C3: variants seen among roughly 807,000 people sequenced by gnomAD.
The protein encoded by C3 is C3 and PZP-like alpha-2-macroglobulin domain-containing protein 1.
In C3, 97 loss-of-function variants were observed where a neutral mutation model predicts 207.9. The observed-to-expected ratio is 0.47, with a 90% CI of 0.40 to 0.55. C3 has a LOEUF of 0.55. Among genes scored for constraint, C3 ranks in the 20% least tolerant of loss-of-function variants. C3 has a pLI of 0.00. For synonymous variants in C3, 848 were observed against 857.6 expected, an observed-to-expected ratio of 0.99 and a Z score of 0.20; for missense variants, 1,684 against 2,171.7, an observed-to-expected ratio of 0.78 and a Z score of 4.46.
intron 33 of C3, among the ~76,000 whole-genome samples, chr19:6,684,042 T>G (rs1248445055): frequency 6.6e-6 from 1 of 152,218 alleles, no homozygotes; most frequent in Non-Finnish European, 1.5e-5. Flanking sequence ...GAGGTTACAG[T>G]GAGCTATGAT....
chr19:6,702,080 A>T, intron 19 of C3, 47 bp downstream of exon 19: 1 of 986,672 alleles, frequency 1.0e-6, no homozygotes, highest in Non-Finnish European at 1.6e-6. Flanking sequence ...ACACTCAGAC[A>T]CCCTGGGGTC....
chr19:6,684,788 T>C lies in C3; in HGVS notation c.4016A>G (p.Gln1339Arg). Residue 1339 changes from glutamine to arginine, a missense_variant, in exon 31 of 41, where the codon CAA becomes CGA. By Grantham distance (43) the Gln-to-Arg change is conservative (BLOSUM62 1). Coordinates refer to ENST00000245907, the MANE Select transcript of C3 (RefSeq NM_000064.4). ...TCTGTTCCTTACCGACAAGGTGCCT[T>C]GGCCTTTTCCTTCAGCTGTGACTGT... ...GFTVTAEGKG[Q>R]GTLSVVTMYH... The C allele has an allele frequency of 6.2e-7, 1 of 1,614,208 alleles. No individual in the cohort carries two copies. The highest frequency in any genetic ancestry group is 1.7e-5 in the Admixed American group (1 of 60,024).
At chr19:6,680,297 G>T (rs574671882) in intron 35 of C3, 34 bp from the exon 36 acceptor site, 4 of 1,117,772 alleles carry the variant, frequency 3.6e-6, no homozygotes, top group Non-Finnish European at 5.5e-6. Context: ...TCAGTGGGGT[G>T]ATGTGGGAGG....
chr19:6,706,696 TCCTCCTACCCCCTCAGACAGGGG>T (rs1415258608), intron 17 of C3, among the ~76,000 whole-genome samples: 203 of 50,232 alleles, frequency 4.0e-3, no homozygotes, highest in African/African-American at 0.015. Flanking sequence ...GACAGAGGCC[TCCTCCTACCCCCTCAGACAGGGG>T]CATCCTCCCC....
intron 23 of C3, 103 bp downstream of exon 23, chr19:6,696,276 G>A: frequency 2.7e-6 from 2 of 729,806 alleles, no homozygotes; most frequent in Non-Finnish European, 2.5e-6. Context: ...TCTAGCTGAA[G>A]GGGAAGAGAA....
At chr19:6,698,794 T>A (rs1002409988) in intron 19 of C3, among the ~76,000 whole-genome samples, 2 of 152,062 alleles carry the variant, frequency 1.3e-5, no homozygotes, top group African/African-American at 2.4e-5. Flanking sequence ...TTTTATTATT[T>A]TTTATTTATT....
chr19:6,707,918 C>T lies in C3; in HGVS notation c.1857G>A (p.Val619=). 1.2e-6 allele frequency: 2 copies of T among 1,613,906 alleles called. 1 individual carries two copies. The highest frequency in any genetic ancestry group is 3.3e-4 in the Middle Eastern group (2 of 6,062). Residue 619 remains valine, a synonymous_variant, in exon 15 of 41, where the codon GTG becomes GTA. Transcript: ENST00000245907. ...TGCAGCCGATGTCTGCCTTCTCCAC[C>T]ACGTCCCAGATCTGCGGGGGGCATA... ...NKLTQSKIWD[V]VEKADIGCTP...
rs1332648857 is a variant in C3 at position 6,719,230 on chromosome 19, A to G, written c.248T>C (p.Met83Thr). Residue 83 changes from methionine (M) to threonine (T), a missense_variant, in exon 2 of 41, where the codon ATG becomes ACG. Coordinates refer to ENST00000245907, the MANE Select transcript of C3 (RefSeq NM_000064.4). This position sits in a 1 kb window ranked among gnomAD's most constrained non-coding sequence, Gnocchi z 5.4. ...ACTCACCGTGAAGGTGACGTTGCCC[A>G]TGTGGTTGGTGGCAGGGGTCAGCAC... ...KTVLTPATNH[M>T]GNVTFTIPAN... is the part of the protein sequence containing the mutation. 1 of 1,613,904 alleles carries G rather than the reference A, an allele frequency of 6.2e-7. No individual in the cohort carries two copies. Among genetic ancestry groups the G allele is most frequent in the Non-Finnish European group, 8.5e-7 (1 of 1,179,948 alleles).
intron 23 of C3, among the ~76,000 whole-genome samples, chr19:6,695,242 C>T (rs1364133214): frequency 6.6e-6 from 1 of 150,598 alleles, no homozygotes; most frequent in Non-Finnish European, 1.5e-5. Context: ...TGCACTCTAG[C>T]CTGGCGACAG....
In C3 at chr19:6,702,595, A is replaced by T. The variant is rs774701636; in HGVS notation, c.2246-16T>A. 2.0e-5 allele frequency: 31 copies of T among 1,547,502 alleles called. No individual in the cohort carries two copies. In the South Asian group the frequency reaches 3.2e-4, roughly 16 times the overall value. On this transcript the variant is annotated splice_polypyrimidine_tract_variant and intron_variant, in intron 17 of 40. Coordinates refer to ENST00000245907, the MANE Select transcript of C3 (RefSeq NM_000064.4). ...TCCAGGTTACCTGCAGGGGGTTTAGATCTGCATTTAGAACAGAGCAGGCCA... is the reference window on the plus strand; with the variant it reads ...TCCAGGTTACCTGCAGGGGGTTTAGTTCTGCATTTAGAACAGAGCAGGCCA...
chr19:6,690,787 T>A, intron 26 of C3, 60 bp from the exon 27 acceptor site: 1 of 1,314,026 alleles, frequency 7.6e-7, no homozygotes, highest in East Asian at 2.3e-5. Flanking sequence ...ATGGCAGTCA[T>A]CCCCCCTTGC....
At chr19:6,709,611 T>TTCCCCCCCCCCCCCCCCCCCCCCC in intron 14 of C3, 73 bp downstream of exon 14, 8 of 1,109,448 alleles carry the variant, frequency 7.2e-6, no homozygotes, top group East Asian at 5.1e-5. Flanking sequence ...CCCTCTCCAG[T>TTCCCCCCCCCCCCCCCCCCCCCCC]CCCACCCACC....
At chr19:6,702,242 A>G (rs1007667391) in intron 18 of C3, 30 bp from the exon 19 acceptor site, 2 of 1,370,000 alleles carry the variant, frequency 1.5e-6, no homozygotes, top group Non-Finnish European at 2.1e-6. Context: ...GGGTATTAGG[A>G]GATGTCATCT....
Position 6,714,171 on chromosome 19 carries a change from T to TC in C3, c.676dup (p.Glu226GlyfsTer22). 1 of 1,613,566 alleles carries TC rather than the reference T, an allele frequency of 6.2e-7. No homozygotes were observed. The highest frequency in any genetic ancestry group is 8.5e-7 in the Non-Finnish European group (1 of 1,179,850). On this transcript the variant is annotated frameshift_variant, in exon 6 of 41. Transcript: ENST00000245907. LOFTEE classifies it high-confidence loss of function. ...CCAGCCCCTCCTCCTCTTACCGTAC[T>TC]CCTTCACCTCAAACTCAGTGGAGAA... is the stretch of plus-strand genomic sequence containing the variant.
chr19:6,707,230 G>A lies in C3; in HGVS notation c.2091C>T (p.Gly697=). ...PKELRKCCED[G]MRENPMRFSC... The stretch of plus-strand genomic sequence containing the variant: ...AGAACCTCATGGGGTTCTCCCGCAT[G>A]CCGTCCTCGCAGCACTTGCGCAGCT... Residue 697 remains glycine (G), a synonymous_variant, in exon 17 of 41, where the codon GGC becomes GGT. Coordinates refer to ENST00000245907, the MANE Select transcript of C3 (RefSeq NM_000064.4). 6.2e-7 allele frequency: 1 copy of A among 1,613,322 alleles called. No individual in the cohort carries two copies. Among genetic ancestry groups the A allele is most frequent in the Non-Finnish European group, 8.5e-7 (1 of 1,179,724 alleles).
chr19:6,682,010 T>C lies in C3; in HGVS notation c.4281A>G (p.Arg1427=), dbSNP rs1456233401. 6.2e-7 allele frequency: 1 copy of C among 1,614,014 alleles called. No homozygotes were observed. The highest frequency in any genetic ancestry group is 2.2e-5 in the East Asian group (1 of 44,902). ...DLKQLANGVD[R]YISKYELDKA... is the part of the protein sequence containing the mutation. Reference sequence around the variant, plus strand: ...TGTCCAGCTCATACTTGGAGATGTATCTGTCAACACCATTGGCCAGCTGGG... The same window carrying C: ...TGTCCAGCTCATACTTGGAGATGTACCTGTCAACACCATTGGCCAGCTGGG... Residue 1427 remains arginine (R), a synonymous_variant, in exon 35 of 41, where the codon AGA becomes AGG. Transcript: ENST00000245907.
rs780413122 is a variant in C3 at position 6,712,630 on chromosome 19, G to A, written c.1004-7C>T. ...GCCTGCACCATGTCACTGCCTGAGG[G>A]GACCAGCTGTGAGTGTAGGCTTCTG... is the stretch of plus-strand genomic sequence containing the variant. On this transcript the variant is annotated splice_polypyrimidine_tract_variant and splice_region_variant and intron_variant, in intron 9 of 40. Transcript: ENST00000245907. 2.0e-5 allele frequency: 33 copies of A among 1,611,306 alleles called. No homozygotes were observed. The highest frequency in any genetic ancestry group is 2.7e-5 in the African/African-American group (2 of 74,834).
At chr19:6,718,555 TGTGAAGGAG>T (rs1968093242) in intron 2 of C3, 143 bp from the exon 3 acceptor site, 1 of 897,544 alleles carries the variant, frequency 1.1e-6, no homozygotes, top group Non-Finnish European at 1.8e-6. Context: ...GGGAGGGGCA[TGTGAAGGAG>T]GTGCGAGGGG....
At chr19:6,699,913 T>C (rs1967608022) in intron 19 of C3, among the ~76,000 whole-genome samples, 1 of 150,392 alleles carries the variant, frequency 6.6e-6, no homozygotes. Context: ...AGTTATGATA[T>C]GGTATAATTA....
Sources: allele counts gnomAD v4.1 joint callset (sites outside exome capture counted in the v4.1 genomes callset), GRCh38; gene constraint gnomAD v4.1.1; non-coding constraint Gnocchi (gnomAD v3.1); transcripts MANE v1.5; gene names NCBI Gene and HGNC (gene_info 2026-07-23, HGNC 2026-07-21).